Variants in ITGB8 observed in about 807,000 individuals in gnomAD.
The protein encoded by ITGB8 is integrin beta-8.
In ITGB8, 30 loss-of-function variants were observed where a neutral mutation model predicts 89.5. The observed-to-expected ratio is 0.34, with a 90% CI of 0.25 to 0.45. The LOEUF (loss-of-function observed/expected upper bound fraction) is 0.45. Among genes scored for constraint, ITGB8 ranks in the 20% least tolerant of loss-of-function variants. The probability of loss-of-function intolerance (pLI) is 1.00; values close to 1 mark genes in which losing one functional copy is unlikely to be tolerated. For missense variants in ITGB8, 836 were observed against 933.3 expected, an observed-to-expected ratio of 0.90 and a Z score of 1.36; for synonymous variants, 335 against 320.4, an observed-to-expected ratio of 1.05 and a Z score of -0.49.
chr7:20,413,980 C>G lies in ITGB8; in HGVS notation c.*3983C>G, dbSNP rs568930857. ...ATTTTCCTTTTCTTTTATAATTCCT[C>G]TATAGCAAATTTTTATGTATAACTG... is the stretch of plus-strand genomic sequence containing the variant. On this transcript the variant is annotated 3_prime_UTR_variant, in exon 14 of 14. Transcript: ENST00000222573. 1.2e-4 allele frequency: 18 copies of G among 152,018 alleles called. No individual in the cohort carries two copies. In the South Asian group the frequency reaches 3.3e-3, roughly 28 times the overall value. The allele number at this position is 152,018 out of a possible 1,614,324, so 9.4% of individuals were successfully genotyped here.
At chr7:20,342,238 C>T (rs1784784027) in intron 1 of ITGB8, among the ~76,000 whole-genome samples, 1 of 152,216 alleles carries the variant, frequency 6.6e-6, no homozygotes, top group South Asian at 2.1e-4. Context: ...AGAGGACCCA[C>T]TAACTGGTCA....
rs572629952 is a variant in ITGB8, at chr7:20,412,531, A to G, written c.*2534A>G. On this transcript the variant is annotated 3_prime_UTR_variant, in exon 14 of 14. Coordinates refer to ENST00000222573, the MANE Select transcript of ITGB8 (RefSeq NM_002214.3). ...GTATAACAAAATGAAATCCTTAAAA[A>G]TCCAGAGTTTATATTTTTTTTATAC... 1 of 152,750 alleles carries G rather than the reference A, an allele frequency of 6.5e-6. No homozygotes were observed. Among genetic ancestry groups the G allele is most frequent in the South Asian group, 2.1e-4 (1 of 4,828 alleles). The allele number at this position is 152,750 out of a possible 1,614,324, so 9.5% of individuals were successfully genotyped here.
At chr7:20,405,981 T>C in intron 11 of ITGB8, 81 bp from the exon 12 acceptor site, 1 of 825,530 alleles carries the variant, frequency 1.2e-6, no homozygotes, top group South Asian at 1.5e-5. Context: ...TGTTATTTTG[T>C]CTTTTTTTTT....
intron 4 of ITGB8, chr7:20,380,356 T>C (rs950943027): frequency 4.1e-6 from 1 of 242,910 alleles, no homozygotes. Context: ...CATTCTTATA[T>C]TCACCTTAAA....
intron 1 of ITGB8, among the ~76,000 whole-genome samples, chr7:20,337,211 T>G (rs1784604494): frequency 2.0e-5 from 3 of 152,194 alleles, no homozygotes; most frequent in Admixed American, 1.3e-4. Context: ...ACTTTAAAAT[T>G]GATTTTACAA....
rs1253540898 is a variant in ITGB8, at chr7:20,406,161, C to T, written c.2013C>T (p.Asp671=). 6.3e-7 allele frequency: 1 copy of T among 1,597,538 alleles called. No homozygotes were observed. The highest frequency in any genetic ancestry group is 1.7e-5 in the Admixed American group (1 of 60,004). Residue 671 remains aspartate, a synonymous_variant, in exon 12 of 14, where the codon GAC becomes GAT. Coordinates refer to ENST00000222573, the MANE Select transcript of ITGB8 (RefSeq NM_002214.3). ...CALMEQQHYV[D]QTSECFSSPS... is the part of the protein sequence containing the mutation. ...TCATGGAACAACAGCATTATGTCGACCAAACTTCAGGTAGGCCAAAGCTTA... is the reference window on the plus strand; with the variant it reads ...TCATGGAACAACAGCATTATGTCGATCAAACTTCAGGTAGGCCAAAGCTTA...
chr7:20,368,352 A>C (rs1300177555), intron 3 of ITGB8, among the ~76,000 whole-genome samples: 1 of 152,224 alleles, frequency 6.6e-6, no homozygotes, highest in East Asian at 1.9e-4. Context: ...AGACAGGGTG[A>C]AACAAAAATT....
chr7:20,357,297 C>G (rs1785330650), intron 1 of ITGB8, among the ~76,000 whole-genome samples: 1 of 151,852 alleles, frequency 6.6e-6, no homozygotes, highest in Non-Finnish European at 1.5e-5. Flanking sequence ...CTTTTTTTTA[C>G]TAAATAAATG....
chr7:20,331,898 G>C lies in ITGB8; in HGVS notation c.92G>C (p.Trp31Ser). The C allele has an allele frequency of 1.2e-6, 2 of 1,614,196 alleles. No individual in the cohort carries two copies. Among genetic ancestry groups the C allele is most frequent in the Non-Finnish European group, 1.7e-6 (2 of 1,180,040 alleles). ...RGPASFLWAAWVFSLVLGLGQ... is the reference protein window; with the variant it reads ...RGPASFLWAASVFSLVLGLGQ... ...CCCGCCTCGTTCCTCTGGGCAGCCT[G>C]GGTGTTTTCACTTGTTCTTGGACTG... The change falls in exon 1 of 14, where the codon TGG (tryptophan) becomes TCG (serine). Residue 31 changes from tryptophan (W) to serine (S), a missense_variant. Transcript: ENST00000222573.
intron 3 of ITGB8, among the ~76,000 whole-genome samples, chr7:20,369,462 TGA>T (rs1785842016): frequency 6.6e-6 from 1 of 151,926 alleles, no homozygotes; most frequent in African/African-American, 2.4e-5. Flanking sequence ...TGCAAAAGAG[TGA>T]GAGAGTGAAA....
intron 1 of ITGB8, among the ~76,000 whole-genome samples, chr7:20,338,489 G>A (rs988528852): frequency 3.3e-5 from 5 of 151,924 alleles, no homozygotes; most frequent in Non-Finnish European, 5.9e-5. Flanking sequence ...AAAAATTAGC[G>A]GGGCATGGCA....
At chr7:20,390,421 C>CT (rs1268288725) in intron 6 of ITGB8, among the ~76,000 whole-genome samples, 3 of 152,030 alleles carry the variant, frequency 2.0e-5, no homozygotes, top group Non-Finnish European at 4.4e-5. Context: ...ATATACCTAA[C>CT]TATATAACTC....
intron 7 of ITGB8, 150 bp from the exon 8 acceptor site, chr7:20,394,746 G>C (rs1158012703): frequency 1.6e-6 from 1 of 611,234 alleles, no homozygotes; most frequent in Non-Finnish European, 2.9e-6. Context: ...TGCTCTACTA[G>C]GTTGCTTATA....
At chr7:20,404,042 T>TA (rs1562703173) in intron 10 of ITGB8, among the ~76,000 whole-genome samples, 1 of 152,222 alleles carries the variant, frequency 6.6e-6, no homozygotes, top group African/African-American at 2.4e-5. Context: ...GCTCACAGTA[T>TA]AGAGGAGGAT....
At chr7:20,362,906 C>T (rs1785558893) in intron 1 of ITGB8, among the ~76,000 whole-genome samples, 2 of 152,120 alleles carry the variant, frequency 1.3e-5, no homozygotes, top group Admixed American at 6.6e-5. Context: ...TTTCTAGGCA[C>T]TACTATGTTA....
upstream of ITGB8, among the ~76,000 whole-genome samples, chr7:20,330,337 T>C (rs1007309576): frequency 4.6e-5 from 7 of 152,128 alleles, no homozygotes; most frequent in Non-Finnish European, 8.8e-5. Flanking sequence ...GGAGGTCCCT[T>C]GACTCCACTT....
intron 1 of ITGB8, among the ~76,000 whole-genome samples, chr7:20,362,928 T>C (rs1260451803): frequency 1.3e-5 from 2 of 152,246 alleles, no homozygotes; most frequent in African/African-American, 4.8e-5. Context: ...TAAAATATTA[T>C]GGACATGTGC....
At chr7:20,357,932 G>T (rs1397909537) in intron 1 of ITGB8, among the ~76,000 whole-genome samples, 1 of 152,044 alleles carries the variant, frequency 6.6e-6, no homozygotes, top group Non-Finnish European at 1.5e-5. Flanking sequence ...TGTCAAGGCA[G>T]GTTTTTTTTG....
chr7:20,396,369 C>A (rs1038956370), intron 8 of ITGB8, among the ~76,000 whole-genome samples: 3 of 151,186 alleles, frequency 2.0e-5, no homozygotes, highest in African/African-American at 7.3e-5. Flanking sequence ...GGAGGCGGAG[C>A]TTGCAATGAG....
Sources: allele counts gnomAD v4.1 joint callset (sites outside exome capture counted in the v4.1 genomes callset), GRCh38; gene constraint gnomAD v4.1.1; transcripts MANE v1.5; gene names NCBI Gene and HGNC (gene_info 2026-07-23, HGNC 2026-07-21).